The following CPS1 variants were observed in gnomAD, a reference collection of about 807,000 sequenced individuals.
CPS1 encodes the protein carbamoyl-phosphate synthase 1.
CPS1 carries 109 observed loss-of-function variants against 174.6 expected under a neutral mutation model. The observed-to-expected ratio is 0.62, with a 90% confidence interval of 0.53 to 0.73. The LOEUF (loss-of-function observed/expected upper bound fraction) is 0.73, where lower values mean the gene tolerates loss of function less well. CPS1 is among the 30% of genes least tolerant of loss of function. The pLI is 0.00. For missense variants in CPS1, 1,689 were observed against 1,821.9 expected (o/e 0.93, Z 1.33); for synonymous variants, 637 against 632.0 (o/e 1.01, Z -0.12).
intron 36 of CPS1, among the ~76,000 whole-genome samples, chr2:210,676,362 G>T (rs1039525403): frequency 7.2e-5 from 11 of 152,138 alleles, no homozygotes; most frequent in African/African-American, 2.4e-4. Context: ...TCAGCAGATT[G>T]TGTGAATCTT....
intron 34 of CPS1, among the ~76,000 whole-genome samples, chr2:210,671,041 C>A (rs1432006632): frequency 1.3e-5 from 2 of 152,192 alleles, no homozygotes; most frequent in Non-Finnish European, 2.9e-5. Flanking sequence ...TGTAATATTT[C>A]TAGCCACCTT....
intron 1 of CPS1, among the ~76,000 whole-genome samples, chr2:210,536,323 T>A (rs1696250008): frequency 6.7e-6 from 1 of 148,156 alleles, no homozygotes; most frequent in Non-Finnish European, 1.5e-5. Flanking sequence ...TTAGGTACTT[T>A]TTTTTTTTTT....
chr2:210,571,905 G>C (rs911071110), intron 1 of CPS1, among the ~76,000 whole-genome samples: 1 of 114,506 alleles, frequency 8.7e-6, no homozygotes, highest in African/African-American at 3.3e-5. Flanking sequence ...GTGTGTGTGT[G>C]TGTGTATGTG....
rs1419745583 is a variant in CPS1 at position 210,599,468 on chromosome 2, C to T, written c.1456C>T (p.Pro486Ser). The change falls in exon 14 of 38, where the codon CCC becomes TCC. Residue 486 changes from proline to serine, a missense_variant. Coordinates refer to ENST00000233072, the MANE Select transcript of CPS1 (RefSeq NM_001875.5). ...LKQADTVYFL[P>S]ITPQFVTEVI... ...GCAAGCGGATACTGTCTACTTTCTTCCCATCACCCCTCAGTTTGTCACAGA... is the reference window on the plus strand; with the variant it reads ...GCAAGCGGATACTGTCTACTTTCTTTCCATCACCCCTCAGTTTGTCACAGA... 2.5e-6 allele frequency: 4 copies of T among 1,612,472 alleles called. No individual in the cohort carries two copies. Among genetic ancestry groups the T allele is most frequent in the Non-Finnish European group, 3.4e-6 (4 of 1,179,074 alleles).
In CPS1 at chr2:210,678,221, T is replaced by G; in HGVS notation, c.*236T>G. Reference sequence around the variant, plus strand: ...ATTTCATCCATTTACTAATACTGTATTTTTGGTGGACTAGGCTTGCCTATG... The same window carrying G: ...ATTTCATCCATTTACTAATACTGTAGTTTTGGTGGACTAGGCTTGCCTATG... On this transcript the variant is annotated 3_prime_UTR_variant, in exon 38 of 38. Coordinates refer to ENST00000233072, the MANE Select transcript of CPS1 (RefSeq NM_001875.5). 1 of 569,180 alleles carries G rather than the reference T, an allele frequency of 1.8e-6. No individual in the cohort carries two copies. Among genetic ancestry groups the G allele is most frequent in the Non-Finnish European group, 3.2e-6 (1 of 313,874 alleles). 35.3% of individuals were successfully genotyped at this position (569,180 alleles called of 1,614,324 possible). A position where few individuals can be genotyped will look rare whatever the true frequency, so the allele number is the denominator to read the frequency against.
At chr2:210,664,680 A>G (rs913357159) in intron 33 of CPS1, among the ~76,000 whole-genome samples, 3 of 152,114 alleles carry the variant, frequency 2.0e-5, no homozygotes, top group African/African-American at 7.2e-5. Flanking sequence ...ATCCATACAT[A>G]TGTTATGGGA....
intron 34 of CPS1, among the ~76,000 whole-genome samples, chr2:210,669,749 A>C (rs1701233844): frequency 6.6e-6 from 1 of 152,134 alleles, no homozygotes; most frequent in African/African-American, 2.4e-5. Context: ...AATGGGTATT[A>C]AGTATTATTA....
chr2:210,551,491 C>G (rs1458874990), intron 1 of CPS1, among the ~76,000 whole-genome samples: 2 of 151,940 alleles, frequency 1.3e-5, no homozygotes, highest in Non-Finnish European at 1.5e-5. Context: ...ACAAGATTTA[C>G]TGTTTATAAA....
At chr2:210,553,216 G>A (rs948531430), upstream of CPS1, among the ~76,000 whole-genome samples, 6 of 151,696 alleles carry the variant, frequency 4.0e-5, no homozygotes, top group African/African-American at 9.7e-5. Context: ...TCAAAACTAT[G>A]TTCTGAGCAT....
At chr2:210,486,150 AC>A (rs1357169893) in intron 1 of CPS1, among the ~76,000 whole-genome samples, 2 of 124,856 alleles carry the variant, frequency 1.6e-5, no homozygotes, top group Non-Finnish European at 3.2e-5. Flanking sequence ...ACACACACAC[AC>A]ACACACACCC....
intron 34 of CPS1, among the ~76,000 whole-genome samples, chr2:210,670,091 C>G (rs1362733464): frequency 6.6e-6 from 1 of 152,044 alleles, no homozygotes; most frequent in African/African-American, 2.4e-5. Flanking sequence ...GTAGTGAGAG[C>G]TGGCTATTGA....
intron 1 of CPS1, among the ~76,000 whole-genome samples, chr2:210,510,437 C>T (rs1228823624): frequency 1.3e-5 from 2 of 152,066 alleles, no homozygotes; most frequent in Non-Finnish European, 2.9e-5. Flanking sequence ...AGAAGAAAAC[C>T]TAGGCAATAC....
Position 210,629,517 on chromosome 2 carries a change from G to T in CPS1, c.2688-8185G>T, listed in dbSNP as rs552161642. On this transcript the variant is annotated intron_variant, in intron 21 of 37. Coordinates refer to ENST00000233072, the MANE Select transcript of CPS1 (RefSeq NM_001875.5). ...TTTTTAGTAGAGACGGGGTTTCACC[G>T]TGTTAGCCAGGACGGTCTTGATCTC... is the stretch of plus-strand genomic sequence containing the variant. Among the ~76,000 whole-genome samples, 519 of 151,300 alleles carry T rather than the reference G, an allele frequency of 3.4e-3. 1 individual carries two copies. Among genetic ancestry groups the T allele is most frequent in the Non-Finnish European group, 5.3e-3 (360 of 67,734 alleles).
chr2:210,500,802 C>T (rs977816869), intron 1 of CPS1, among the ~76,000 whole-genome samples: 32 of 152,276 alleles, frequency 2.1e-4, no homozygotes, highest in Non-Finnish European at 2.9e-4. Context: ...GATGGTGGCC[C>T]TCTTCTCACA....
chr2:210,579,538 T>G (rs746466449), intron 4 of CPS1, among the ~76,000 whole-genome samples, 176 bp from the exon 5 acceptor site: 1 of 152,178 alleles, frequency 6.6e-6, no homozygotes. Flanking sequence ...TATGCCTAAC[T>G]GTAGCAACAA....
chr2:210,612,666 T>A (rs1190273535), intron 20 of CPS1, among the ~76,000 whole-genome samples: 2 of 151,904 alleles, frequency 1.3e-5, no homozygotes, highest in Non-Finnish European at 2.9e-5. Context: ...TGTAAAATTG[T>A]ATTGTAGAAA....
chr2:210,614,746 A>G (rs1295541922), intron 20 of CPS1, among the ~76,000 whole-genome samples: 1 of 152,010 alleles, frequency 6.6e-6, no homozygotes, highest in Non-Finnish European at 1.5e-5. Context: ...GACATGGATG[A>G]AGCTGGAAAC....
intron 26 of CPS1, 88 bp downstream of exon 26, chr2:210,648,145 G>A: frequency 1.5e-6 from 2 of 1,323,612 alleles, no homozygotes; most frequent in Non-Finnish European, 2.2e-6. Context: ...TATTGGATAT[G>A]TTAACTACAG....
chr2:210,573,582 A>G (rs1697589682), intron 2 of CPS1, among the ~76,000 whole-genome samples, 175 bp downstream of exon 2: 2 of 152,078 alleles, frequency 1.3e-5, no homozygotes, highest in South Asian at 4.1e-4. Context: ...AAAGTTAGAC[A>G]TGAACTTCCT....
Sources: gnomAD v4.1 joint callset for allele counts (sites outside exome capture counted in the v4.1 genomes callset) on GRCh38, gnomAD v4.1.1 for gene constraint, MANE v1.5 for transcripts, NCBI Gene and HGNC (gene_info 2026-07-23, HGNC 2026-07-21) for gene names.